The following HEPHL1 variants were observed in gnomAD, a reference collection of about 807,000 sequenced individuals.
HEPHL1 encodes hephaestin like 1.
HEPHL1 carries 123 observed loss-of-function variants against 122.0 expected under a neutral mutation model. The ratio of observed to expected loss-of-function variants is 1.01; its 90% CI spans 0.87 to 1.17. The LOEUF is 1.17. Among genes scored for constraint, HEPHL1 ranks in the 50% most tolerant of loss-of-function variants. The probability of loss-of-function intolerance (pLI) is 0.00; values close to 1 mark genes in which losing one functional copy is unlikely to be tolerated. For missense variants in HEPHL1, 1,452 were observed against 1,430.5 expected, an observed-to-expected ratio of 1.01 and a Z score of -0.24; for synonymous variants, 527 against 508.9, an observed-to-expected ratio of 1.04 and a Z score of -0.48.
chr11:94,101,216 T>G lies in HEPHL1; in HGVS notation c.2456T>G (p.Val819Gly). Reference sequence around the variant, plus strand: ...TTAGGCCCAATGATTCATGCTGAGGTGGGCAACACCGTCCTGATCATATTT... The same window carrying G: ...TTAGGCCCAATGATTCATGCTGAGGGGGGCAACACCGTCCTGATCATATTT... ...ELLGPMIHAEVGNTVLIIFKN... is the reference protein window; with the variant it reads ...ELLGPMIHAEGGNTVLIIFKN... Residue 819 changes from valine to glycine, a missense_variant, in exon 14 of 20, where the codon GTG becomes GGG. Val to Gly is a moderately radical substitution (Grantham distance 109). Transcript: ENST00000315765. 6.2e-7 allele frequency: 1 copy of G among 1,613,918 alleles called. No individual in the cohort carries two copies. The highest frequency in any genetic ancestry group is 8.5e-7 in the Non-Finnish European group (1 of 1,179,852).
chr11:94,068,180 GAA>G (rs1402846286), intron 5 of HEPHL1, among the ~76,000 whole-genome samples: 1 of 152,178 alleles, frequency 6.6e-6, no homozygotes, highest in African/African-American at 2.4e-5. Flanking sequence ...AAGAAGGAAA[GAA>G]AGACTTTTGA....
At chr11:94,041,493 C>T (rs1174259204) in intron 1 of HEPHL1, among the ~76,000 whole-genome samples, 2 of 126,468 alleles carry the variant, frequency 1.6e-5, no homozygotes, top group Non-Finnish European at 3.3e-5. Context: ...GCTACAGTAA[C>T]CAAAACAGCA....
chr11:94,082,879 G>A (rs897566764), intron 10 of HEPHL1, among the ~76,000 whole-genome samples: 1 of 151,984 alleles, frequency 6.6e-6, no homozygotes, highest in Admixed American at 6.6e-5. Flanking sequence ...GGCAGATCAC[G>A]AGGTCAGGAG....
chr11:94,063,728 G>C lies in HEPHL1; in HGVS notation c.628+8G>C. 6.2e-7 allele frequency: 1 copy of C among 1,611,426 alleles called. No individual in the cohort carries two copies. Among genetic ancestry groups the C allele is most frequent in the Non-Finnish European group, 8.5e-7 (1 of 1,178,146 alleles). ...TGCTGGTCTGCAAGGAAGGTAAGGA[G>C]CTTTGTTTCCAGGTAACTAGGGAGT... On this transcript the variant is annotated splice_region_variant and intron_variant, in intron 3 of 19. Coordinates refer to ENST00000315765, the MANE Select transcript of HEPHL1 (RefSeq NM_001098672.2).
At position 94,102,771 on chromosome 11, in the gene HEPHL1, A is replaced by G; in HGVS notation, c.2576-143A>G. On this transcript the variant is annotated intron_variant, in intron 14 of 19. Transcript: ENST00000315765. ...TAGTAGAAATCAAGATGGGAGTTTAATAAGAACATTTGTAATGAATGAGTA... is the reference window on the plus strand; with the variant it reads ...TAGTAGAAATCAAGATGGGAGTTTAGTAAGAACATTTGTAATGAATGAGTA... 5.3e-6 allele frequency: 3 copies of G among 563,730 alleles called. No individual in the cohort carries two copies. The South Asian group carries it at 7.4e-5, about 14-fold the overall frequency. 34.9% of individuals were successfully genotyped at this position (563,730 alleles called of 1,614,324 possible).
intron 2 of HEPHL1, among the ~76,000 whole-genome samples, chr11:94,051,264 C>A (rs1200275773): frequency 6.6e-6 from 1 of 152,236 alleles, no homozygotes; most frequent in South Asian, 2.1e-4. Flanking sequence ...TTTACATTCC[C>A]ACCAACAATG....
At chr11:94,072,072 C>A (rs1003811132) in intron 6 of HEPHL1, among the ~76,000 whole-genome samples, 5 of 152,064 alleles carry the variant, frequency 3.3e-5, no homozygotes, top group African/African-American at 1.2e-4. Flanking sequence ...ATAGCAATAA[C>A]AATTGCCATT....
chr11:94,054,528 T>C (rs1231275976), intron 2 of HEPHL1, among the ~76,000 whole-genome samples: 1 of 152,234 alleles, frequency 6.6e-6, no homozygotes, highest in African/African-American at 2.4e-5. Context: ...ACTTTCTCTC[T>C]GACCCTCTCC....
chr11:94,090,481 C>T (rs1000918323), intron 12 of HEPHL1, among the ~76,000 whole-genome samples: 2 of 152,018 alleles, frequency 1.3e-5, no homozygotes, highest in Non-Finnish European at 2.9e-5. Context: ...CTGAGACTCC[C>T]TCCCAAGTGA....
chr11:94,043,173 G>A (rs1945802424), intron 1 of HEPHL1, among the ~76,000 whole-genome samples: 1 of 152,112 alleles, frequency 6.6e-6, no homozygotes, highest in Non-Finnish European at 1.5e-5. Flanking sequence ...CAGAAAAAAT[G>A]AAAAGAAATA....
chr11:94,038,545 AAG>A (rs1206223472), intron 1 of HEPHL1, among the ~76,000 whole-genome samples: 1 of 108,222 alleles, frequency 9.2e-6, no homozygotes, highest in Non-Finnish European at 1.9e-5. Flanking sequence ...TACAAGCCAG[AAG>A]AGAGTGGGGG....
chr11:94,106,020 C>A lies in HEPHL1; in HGVS notation c.2935C>A (p.His979Asn). The A allele has an allele frequency of 6.3e-7, 1 of 1,596,088 alleles. No individual in the cohort carries two copies. Among genetic ancestry groups the A allele is most frequent in the Non-Finnish European group, 8.6e-7 (1 of 1,168,072 alleles). Reference sequence around the variant, plus strand: ...TAATGGAAAGATTTTTGGGAATCTCCATGGCCTCATAATGAACGAAGATAC... The same window carrying A: ...TAATGGAAAGATTTTTGGGAATCTCAATGGCCTCATAATGAACGAAGATAC... ...AINGKIFGNL[H>N]GLIMNEDTMT... The change falls in exon 17 of 20, where the codon CAT becomes AAT. Residue 979 changes from histidine (H) to asparagine (N), a missense_variant. Transcript: ENST00000315765.
intron 2 of HEPHL1, chr11:94,055,884 A>C: frequency 1.4e-6 from 1 of 701,466 alleles, no homozygotes; most frequent in Non-Finnish European, 2.4e-6. Flanking sequence ...CTCAGCATCC[A>C]CATAATATAA....
At chr11:94,073,584 C>T in intron 8 of HEPHL1, 145 bp downstream of exon 8, 1 of 764,382 alleles carries the variant, frequency 1.3e-6, no homozygotes. Flanking sequence ...ACCTGATTCT[C>T]TCCTGTCAAA....
intron 1 of HEPHL1, among the ~76,000 whole-genome samples, chr11:94,026,187 G>A (rs183362218): frequency 7.2e-5 from 11 of 152,216 alleles, no homozygotes; most frequent in Admixed American, 3.3e-4. Flanking sequence ...TCCAGCCATC[G>A]TGTCTACATT....
intron 13 of HEPHL1, among the ~76,000 whole-genome samples, chr11:94,094,543 T>C (rs1946294076): frequency 6.6e-6 from 1 of 152,220 alleles, no homozygotes; most frequent in Non-Finnish European, 1.5e-5. Flanking sequence ...CAAATGGTAT[T>C]TCTAGTTCTA....
intron 12 of HEPHL1, 68 bp from the exon 13 acceptor site, chr11:94,093,433 T>C: frequency 6.3e-7 from 1 of 1,575,820 alleles, no homozygotes; most frequent in Non-Finnish European, 8.7e-7. Context: ...TACCCCTGAA[T>C]CACTTAGAAG....
At chr11:94,087,470 T>C (rs1946227081) in intron 11 of HEPHL1, among the ~76,000 whole-genome samples, 1 of 152,214 alleles carries the variant, frequency 6.6e-6, no homozygotes, top group Non-Finnish European at 1.5e-5. Flanking sequence ...TTCCTGTCCC[T>C]TACCTATAAG....
Position 94,073,012 on chromosome 11 carries a change from T to G in HEPHL1, c.1233-13T>G, listed in dbSNP as rs745945498. On this transcript the variant is annotated splice_polypyrimidine_tract_variant and intron_variant, in intron 6 of 19. Transcript: ENST00000315765. ...TGAGAAGTGTCCTCAATCACATTCC[T>G]ATGTCTTTTCAGTGACTCTGATCTC... 5.0e-6 allele frequency: 8 copies of G among 1,608,306 alleles called. No individual in the cohort carries two copies. The highest frequency in any genetic ancestry group is 6.8e-6 in the Non-Finnish European group (8 of 1,177,288).
Sources: allele counts gnomAD v4.1 joint callset (sites outside exome capture counted in the v4.1 genomes callset), GRCh38; gene constraint gnomAD v4.1.1; transcripts MANE v1.5; gene names NCBI Gene and HGNC (gene_info 2026-07-23, HGNC 2026-07-21).